PTPRK: variants seen among roughly 807,000 people sequenced by gnomAD.
PTPRK encodes receptor-type tyrosine-protein phosphatase kappa.
Under a neutral mutation model 178.0 loss-of-function variants are expected in PTPRK, and 75 were observed. The observed-to-expected ratio is 0.42, with a 90% CI of 0.35 to 0.51. The LOEUF is 0.51. PTPRK is among the 20% of genes least tolerant of loss of function. PTPRK has a pLI of 0.02. For synonymous variants in PTPRK, 637 were observed against 620.6 expected (o/e 1.03, Z -0.39); for missense variants, 1,441 against 1,797.8 (o/e 0.80, Z 3.59).
chr6:128,461,711 T>C (rs1849075050), intron 1 of PTPRK, among the ~76,000 whole-genome samples: 1 of 152,148 alleles, frequency 6.6e-6, no homozygotes, highest in Non-Finnish European at 1.5e-5. Flanking sequence ...GATTTTACCT[T>C]TCTCTCTCCT....
At chr6:128,202,367 T>C (rs1236349771) in intron 6 of PTPRK, among the ~76,000 whole-genome samples, 1 of 152,194 alleles carries the variant, frequency 6.6e-6, no homozygotes. Context: ...AAGTTCAGGC[T>C]ACTAGGGCCT....
chr6:128,054,383 A>C (rs1311797303), intron 13 of PTPRK, among the ~76,000 whole-genome samples: 1 of 152,248 alleles, frequency 6.6e-6, no homozygotes, highest in Non-Finnish European at 1.5e-5. Flanking sequence ...ATGAATTATA[A>C]GTATGTATTA....
intron 1 of PTPRK, among the ~76,000 whole-genome samples, chr6:128,461,787 A>C (rs1198279134): frequency 6.6e-6 from 1 of 152,048 alleles, no homozygotes; most frequent in African/African-American, 2.4e-5. Flanking sequence ...CTAGGCAACC[A>C]CTTCCCATCT....
At chr6:128,284,871 T>G (rs763115877) in intron 3 of PTPRK, among the ~76,000 whole-genome samples, 5 of 152,182 alleles carry the variant, frequency 3.3e-5, no homozygotes, top group Non-Finnish European at 7.3e-5. Context: ...GTTGTCAACT[T>G]TAAAAACTTT....
At chr6:128,241,376 A>G (rs891865495) in intron 4 of PTPRK, 1 of 511,558 alleles carries the variant, frequency 2.0e-6, no homozygotes, top group African/African-American at 2.0e-5. Flanking sequence ...TTCAATCAGA[A>G]CCAGGGGAAG....
At chr6:128,363,753 A>G (rs1362912183) in intron 2 of PTPRK, among the ~76,000 whole-genome samples, 2 of 152,164 alleles carry the variant, frequency 1.3e-5, no homozygotes, top group Admixed American at 1.3e-4. Context: ...AAATATTCTC[A>G]AAACAACTCA....
At chr6:128,058,365 G>A (rs571145001) in intron 13 of PTPRK, among the ~76,000 whole-genome samples, 1 of 152,256 alleles carries the variant, frequency 6.6e-6, no homozygotes, top group South Asian at 2.1e-4. Context: ...TGGTATAGGT[G>A]TAGTGGAATC....
At chr6:127,997,487 C>A (rs755507618) in intron 16 of PTPRK, among the ~76,000 whole-genome samples, 69 of 152,038 alleles carry the variant, frequency 4.5e-4, no homozygotes, top group Admixed American at 3.9e-4. Context: ...GTCTTCACAA[C>A]AAGGGACCAT....
chr6:128,266,156 T>G (rs1258127520), intron 3 of PTPRK, among the ~76,000 whole-genome samples: 1 of 152,096 alleles, frequency 6.6e-6, no homozygotes, highest in Non-Finnish European at 1.5e-5. Context: ...GCACACACAT[T>G]TTCTTGCAGG....
intron 1 of PTPRK, among the ~76,000 whole-genome samples, chr6:128,464,638 C>CATATATATATATACACATAT (rs1849544400): frequency 1.9e-4 from 9 of 48,598 alleles, no homozygotes; most frequent in African/African-American, 8.5e-4. Flanking sequence ...TATATATACA[C>CATATATATATATACACATAT]ATATATATAT....
At position 128,491,613 on chromosome 6, in the gene PTPRK, A is replaced by G. The variant is rs74679046; in HGVS notation, c.100+28646T>C. On this transcript the variant is annotated intron_variant, in intron 1 of 29. Coordinates refer to ENST00000368226, the MANE Select transcript of PTPRK (RefSeq NM_002844.4). The stretch of plus-strand genomic sequence containing the variant: ...CTGCAGTCAATTCTCAAGCTAGAAG[A>G]CTGTGGTGAGAATATGAGATTAATT... 2,156 of 370,042 alleles carry G rather than the reference A, an allele frequency of 5.8e-3. 40 individuals carry two copies. Among genetic ancestry groups the G allele is most frequent in the African/African-American group, 0.042 (2,004 of 47,544 alleles). 22.9% of individuals were successfully genotyped at this position (370,042 alleles called of 1,614,324 possible).
intron 13 of PTPRK, among the ~76,000 whole-genome samples, chr6:128,042,116 C>T (rs752751459): frequency 3.3e-5 from 5 of 151,996 alleles, no homozygotes; most frequent in African/African-American, 4.8e-5. Flanking sequence ...CTTTAACATT[C>T]GTATTTCTAA....
chr6:128,176,406 TC>T (rs1801083836), intron 7 of PTPRK, among the ~76,000 whole-genome samples: 1 of 151,782 alleles, frequency 6.6e-6, no homozygotes, highest in South Asian at 2.1e-4. Flanking sequence ...AAAGATGAGT[TC>T]TTTAAACTCA....
chr6:128,246,761 C>G (rs1221257418), intron 3 of PTPRK, among the ~76,000 whole-genome samples: 1 of 152,200 alleles, frequency 6.6e-6, no homozygotes, highest in Non-Finnish European at 1.5e-5. Flanking sequence ...AACTTTAAAC[C>G]TTCCAGGAGG....
chr6:128,216,051 G>A (rs1296658008), intron 6 of PTPRK, among the ~76,000 whole-genome samples: 1 of 152,036 alleles, frequency 6.6e-6, no homozygotes, highest in Non-Finnish European at 1.5e-5. Context: ...AGCAAGCAAA[G>A]TATCACCTGT....
At chr6:128,279,546 T>C (rs1239438462) in intron 3 of PTPRK, among the ~76,000 whole-genome samples, 1 of 152,186 alleles carries the variant, frequency 6.6e-6, no homozygotes, top group African/African-American at 2.4e-5. Context: ...GGAAGCCAAG[T>C]AGACATATAC....
intron 3 of PTPRK, among the ~76,000 whole-genome samples, chr6:128,275,301 T>C (rs1401514187): frequency 6.6e-6 from 1 of 152,090 alleles, no homozygotes; most frequent in African/African-American, 2.4e-5. Context: ...CTTATCTATG[T>C]TTGTTTACCT....
chr6:128,215,550 T>C (rs1267685482), intron 6 of PTPRK, among the ~76,000 whole-genome samples: 1 of 152,220 alleles, frequency 6.6e-6, no homozygotes, highest in African/African-American at 2.4e-5. Context: ...CAGGAAGCAA[T>C]GCTAAAGTCA....
intron 2 of PTPRK, among the ~76,000 whole-genome samples, chr6:128,379,162 G>C (rs915834604): frequency 1.3e-5 from 2 of 152,032 alleles, no homozygotes; most frequent in African/African-American, 4.8e-5. Context: ...TCCAAGTTCA[G>C]CTACTTTATT....
Sources: gnomAD v4.1 joint callset for allele counts (sites outside exome capture counted in the v4.1 genomes callset) on GRCh38, gnomAD v4.1.1 for gene constraint, MANE v1.5 for transcripts, NCBI Gene and HGNC (gene_info 2026-07-23, HGNC 2026-07-21) for gene names.